Variants in ARMC3 observed in about 807,000 individuals in gnomAD.
ARMC3 encodes the protein armadillo repeat-containing protein 3.
ARMC3 carries 74 observed loss-of-function variants against 90.3 expected under a neutral mutation model. That is an observed-to-expected ratio of 0.82 (90% confidence interval 0.68 to 0.99). The LOEUF (loss-of-function observed/expected upper bound fraction) is 0.99. Among genes scored for constraint, ARMC3 ranks in the 50% least tolerant of loss-of-function variants. ARMC3 has a pLI of 0.00. For missense variants in ARMC3, 958 were observed against 1,042.8 expected (o/e 0.92, Z 1.12); for synonymous variants, 334 against 361.8 (o/e 0.92, Z 0.87).
At chr10:22,962,375 G>A (rs562517163) in intron 7 of ARMC3, among the ~76,000 whole-genome samples, 3 of 152,232 alleles carry the variant, frequency 2.0e-5, no homozygotes. Flanking sequence ...TTTTCTCTGG[G>A]ATAAAGCAGA....
intron 16 of ARMC3, among the ~76,000 whole-genome samples, chr10:23,027,038 C>G (rs964978467): frequency 9.8e-5 from 15 of 152,302 alleles, no homozygotes; most frequent in African/African-American, 3.6e-4. Context: ...GTAAGCCTTA[C>G]TATCAAATAC....
At chr10:22,957,214 G>A (rs1245958416) in intron 4 of ARMC3, among the ~76,000 whole-genome samples, 5 of 151,814 alleles carry the variant, frequency 3.3e-5, no homozygotes, top group South Asian at 2.1e-4. Flanking sequence ...CCTGGACCCC[G>A]TGTGATGACA....
At chr10:22,945,501 T>C (rs1834491583) in intron 2 of ARMC3, among the ~76,000 whole-genome samples, 1 of 152,254 alleles carries the variant, frequency 6.6e-6, no homozygotes, top group African/African-American at 2.4e-5. Flanking sequence ...TACTTTTCTT[T>C]AGACTATATT....
Position 22,964,855 on chromosome 10 carries a change from CTTAACT to C in ARMC3, c.732+2785_732+2790del, listed in dbSNP as rs1275984243. ...TTGCTGTAGTGATTACAATACGCAA[CTTAACT>C]TTAACTTATAATAGTCTAGAGTTAA... On this transcript the variant is annotated intron_variant, in intron 7 of 18. Transcript: ENST00000298032. 2.0e-5 allele frequency among the ~76,000 whole-genome samples: 3 copies of C among 151,760 alleles called. No homozygotes were observed. The East Asian group carries it at 5.8e-4, about 29-fold the overall frequency.
intron 16 of ARMC3, among the ~76,000 whole-genome samples, chr10:23,017,792 C>G (rs1038528471): frequency 6.6e-6 from 1 of 152,160 alleles, no homozygotes; most frequent in Non-Finnish European, 1.5e-5. Context: ...CAAAACAAAA[C>G]AGGTAATTCA....
chr10:23,025,095 T>C (rs1438434587), intron 16 of ARMC3, among the ~76,000 whole-genome samples: 1 of 151,816 alleles, frequency 6.6e-6, no homozygotes, highest in Admixed American at 6.6e-5. Context: ...TCAAAATAAA[T>C]GAAGCAAAAA....
intron 6 of ARMC3, chr10:22,960,008 G>C: frequency 2.8e-6 from 1 of 356,404 alleles, no homozygotes; most frequent in South Asian, 2.2e-5. Context: ...TTTCATTTTT[G>C]AGTATGCAGG....
chr10:22,998,181 A>T lies in ARMC3; in HGVS notation c.1209A>T (p.Leu403Phe). 6.2e-7 allele frequency: 1 copy of T among 1,613,980 alleles called. No individual in the cohort carries two copies. The highest frequency in any genetic ancestry group is 8.5e-7 in the Non-Finnish European group (1 of 1,179,920). ...CTGAAGCTGATGGTATTGATCCATT[A>T]ATAAACCTCCTGTCTAGTAAACGAG... is the stretch of plus-strand genomic sequence containing the variant. ...AAAEADGIDP[L>F]INLLSSKRDG... Residue 403 changes from leucine (L) to phenylalanine (F), a missense_variant, in exon 11 of 19, where the codon TTA (leucine) becomes TTT (phenylalanine). Physicochemically the swap from Leu to Phe is conservative, Grantham distance 22 (BLOSUM62 0). Transcript: ENST00000298032.
At chr10:22,992,720 C>T (rs1283497995) in intron 10 of ARMC3, among the ~76,000 whole-genome samples, 1 of 152,068 alleles carries the variant, frequency 6.6e-6, no homozygotes, top group South Asian at 2.1e-4. Flanking sequence ...AGAAATTGAC[C>T]AATTTAGCAA....
intron 1 of ARMC3, among the ~76,000 whole-genome samples, chr10:22,928,846 T>A (rs937462377): frequency 5.9e-5 from 9 of 152,328 alleles, no homozygotes; most frequent in African/African-American, 1.9e-4. Flanking sequence ...TATTTGTTAA[T>A]ATAAGAATTT....
intron 10 of ARMC3, among the ~76,000 whole-genome samples, chr10:22,994,285 G>A (rs11013225): frequency 0.15 from 23,085 of 152,136 alleles, 1,891 homozygotes; most frequent in South Asian, 0.2. Flanking sequence ...GCATATTGAA[G>A]GCTGCAAGAG....
At chr10:23,001,813 T>C in intron 11 of ARMC3, 106 bp from the exon 12 acceptor site, 1 of 1,297,242 alleles carries the variant, frequency 7.7e-7, no homozygotes, top group Non-Finnish European at 1.0e-6. Context: ...TGAAGCATTT[T>C]TACATAGTTA....
rs554371979 is a variant in ARMC3 at position 23,017,422 on chromosome 10, C to A, written c.2045+8491C>A. ...TACTTAAAGTTAAATAATTCCCAAACCCCCTAATTTACTGCTAGTGTAACA... is the reference window on the plus strand; with the variant it reads ...TACTTAAAGTTAAATAATTCCCAAAACCCCTAATTTACTGCTAGTGTAACA... On this transcript the variant is annotated intron_variant, in intron 16 of 18. Transcript: ENST00000298032. Among the ~76,000 whole-genome samples the A allele has an allele frequency of 2.0e-3, 298 of 152,302 alleles. 1 individual carries two copies. The highest frequency in any genetic ancestry group is 3.3e-3 in the Non-Finnish European group (222 of 68,030).
At chr10:23,009,102 C>T (rs1158042975) in intron 16 of ARMC3, among the ~76,000 whole-genome samples, 171 bp downstream of exon 16, 1 of 152,230 alleles carries the variant, frequency 6.6e-6, no homozygotes, top group African/African-American at 2.4e-5. Flanking sequence ...TTAAAACTTA[C>T]CCGGAGAGAA....
At chr10:22,934,022 C>T (rs1834028880) in intron 2 of ARMC3, among the ~76,000 whole-genome samples, 2 of 152,184 alleles carry the variant, frequency 1.3e-5, no homozygotes, top group Non-Finnish European at 2.9e-5. Flanking sequence ...TAACCTGGAA[C>T]TTGTTCCAGA....
chr10:22,987,059 T>C (rs1362387970), intron 10 of ARMC3, among the ~76,000 whole-genome samples: 1 of 152,204 alleles, frequency 6.6e-6, no homozygotes, highest in Non-Finnish European at 1.5e-5. Context: ...ATGAATTTTA[T>C]AGAAAAATGT....
chr10:22,945,283 A>C (rs554156877), intron 2 of ARMC3, among the ~76,000 whole-genome samples: 1 of 152,340 alleles, frequency 6.6e-6, no homozygotes, highest in South Asian at 2.1e-4. Flanking sequence ...ACAAAGAACC[A>C]GCTAAAGCTT....
intron 2 of ARMC3, among the ~76,000 whole-genome samples, chr10:22,942,135 A>C (rs950616401): frequency 2.6e-5 from 4 of 152,242 alleles, no homozygotes; most frequent in African/African-American, 9.6e-5. Flanking sequence ...GAGGGGAATA[A>C]GGGAGAAAGC....
intron 16 of ARMC3, among the ~76,000 whole-genome samples, chr10:23,022,623 G>A (rs980801348): frequency 1.3e-5 from 2 of 152,176 alleles, no homozygotes; most frequent in Non-Finnish European, 2.9e-5. Context: ...TGACAAGGGG[G>A]TTGACTGGAG....
Sources: allele counts gnomAD v4.1 joint callset (sites outside exome capture counted in the v4.1 genomes callset), GRCh38; gene constraint gnomAD v4.1.1; transcripts MANE v1.5; gene names NCBI Gene and HGNC (gene_info 2026-07-23, HGNC 2026-07-21).